DGKG: variants seen among roughly 807,000 people sequenced by gnomAD.
The protein encoded by DGKG is DAG kinase gamma.
DGKG carries 78 observed loss-of-function variants against 105.3 expected under a neutral mutation model. The observed-to-expected ratio is 0.74, with a 90% CI of 0.62 to 0.89. The LOEUF (loss-of-function observed/expected upper bound fraction) is 0.89, where lower values mean the gene tolerates loss of function less well. Ranked by LOEUF, DGKG falls within the 40% of genes least tolerant of loss-of-function variation. The pLI, the probability that DGKG is intolerant of heterozygous loss-of-function variation, is 0.00. For synonymous variants in DGKG, 346 were observed against 367.1 expected (o/e 0.94, Z 0.66); for missense variants, 958 against 1,020.1 (o/e 0.94, Z 0.83).
chr3:186,164,904 G>T lies in DGKG; in HGVS notation c.2210C>A (p.Thr737Asn). 2 of 1,612,326 alleles carry T rather than the reference G, an allele frequency of 1.2e-6. No individual in the cohort carries two copies. The highest frequency in any genetic ancestry group is 1.1e-5 in the South Asian group (1 of 90,860). Residue 737 changes from threonine to asparagine, a missense_variant, in exon 23 of 25, where the codon ACC becomes AAC. By Grantham distance (65) the Thr-to-Asn change is moderately conservative. Around this residue, in one of 2 missense-constraint regions of DGKG, gnomAD observed 315 missense variants for 400.6 expected, o/e 0.79. Transcript: ENST00000265022. ...GRRLAQCASV[T>N]IRTNKLLPMQ... Reference sequence around the variant, plus strand: ...GGGTGACAAAGAGGCATACCTGATGGTGACAGAGGCGCACTGGGCCAGCCT... The same window carrying T: ...GGGTGACAAAGAGGCATACCTGATGTTGACAGAGGCGCACTGGGCCAGCCT...
At chr3:186,309,201 C>A (rs551795715) in intron 2 of DGKG, among the ~76,000 whole-genome samples, 1 of 151,962 alleles carries the variant, frequency 6.6e-6, no homozygotes, top group South Asian at 2.2e-4. Flanking sequence ...AAGGAGGTAG[C>A]ATTTGAGCTG....
chr3:186,216,598 C>T (rs565122827), intron 20 of DGKG, among the ~76,000 whole-genome samples: 33 of 152,250 alleles, frequency 2.2e-4, no homozygotes, highest in African/African-American at 7.7e-4. Flanking sequence ...TCCTCTGCCT[C>T]GTCTTCCTTT....
At chr3:186,225,139 G>A (rs1414667360) in intron 20 of DGKG, among the ~76,000 whole-genome samples, 2 of 151,234 alleles carry the variant, frequency 1.3e-5, no homozygotes, top group Non-Finnish European at 2.9e-5. Flanking sequence ...CCATTGCCCA[G>A]GCTGGAGTGC....
chr3:186,356,350 C>T (rs1008460439), intron 1 of DGKG, among the ~76,000 whole-genome samples: 3 of 152,028 alleles, frequency 2.0e-5, no homozygotes, highest in South Asian at 2.1e-4. Context: ...GGCAAGTTGG[C>T]GAGGCAGACT....
intron 14 of DGKG, among the ~76,000 whole-genome samples, chr3:186,262,224 T>G (rs1166042585): frequency 6.6e-6 from 1 of 152,170 alleles, no homozygotes; most frequent in African/African-American, 2.4e-5. Context: ...AGTTTCCTCC[T>G]GAACCCTGGT....
At chr3:186,206,711 G>A (rs1478651785) in intron 21 of DGKG, among the ~76,000 whole-genome samples, 5 of 152,074 alleles carry the variant, frequency 3.3e-5, no homozygotes, top group African/African-American at 1.2e-4. Context: ...GGGATGGTGA[G>A]GGTGAGGGTG....
chr3:186,295,119 T>C (rs947422787), intron 5 of DGKG, among the ~76,000 whole-genome samples: 10 of 152,314 alleles, frequency 6.6e-5, no homozygotes, highest in South Asian at 2.1e-4. Context: ...TAGAACTACA[T>C]TGAAGAAACT....
intron 20 of DGKG, among the ~76,000 whole-genome samples, chr3:186,217,721 T>G (rs1276289182): frequency 6.6e-6 from 1 of 152,222 alleles, no homozygotes; most frequent in Non-Finnish European, 1.5e-5. Flanking sequence ...CTGCTGGCCA[T>G]TCACTTTACC....
At chr3:186,209,141 C>A (rs150312569) in intron 21 of DGKG, among the ~76,000 whole-genome samples, 1 of 131,920 alleles carries the variant, frequency 7.6e-6, no homozygotes, top group Non-Finnish European at 1.5e-5. Context: ...CTCTGTCTTG[C>A]GCAGGCTGGA....
intron 22 of DGKG, among the ~76,000 whole-genome samples, chr3:186,183,630 G>A (rs1028675579): frequency 2.0e-5 from 3 of 151,988 alleles, no homozygotes; most frequent in East Asian, 1.9e-4. Context: ...GGTAATATAA[G>A]TTTAATGTGC....
chr3:186,302,682 G>GAAT (rs1480431410), intron 3 of DGKG, among the ~76,000 whole-genome samples: 1 of 151,390 alleles, frequency 6.6e-6, no homozygotes, highest in African/African-American at 2.4e-5. Flanking sequence ...GCAGGGCACA[G>GAAT]TACAGTGCTG....
intron 3 of DGKG, among the ~76,000 whole-genome samples, chr3:186,304,175 A>T (rs1578805696): frequency 6.6e-6 from 1 of 151,300 alleles, no homozygotes; most frequent in East Asian, 2.0e-4. Context: ...TTCCTCTCCC[A>T]CTCATCAGCC....
At chr3:186,306,749 C>G (rs1724257754) in intron 3 of DGKG, 152 bp downstream of exon 3, 3 of 615,160 alleles carry the variant, frequency 4.9e-6, no homozygotes, top group Non-Finnish European at 8.7e-6. Flanking sequence ...CATATAATGC[C>G]AGGTAGCACA....
chr3:186,344,880 G>C (rs1560165544), intron 1 of DGKG, among the ~76,000 whole-genome samples: 2 of 152,076 alleles, frequency 1.3e-5, no homozygotes, highest in Non-Finnish European at 2.9e-5. Flanking sequence ...TGTTCTACGA[G>C]CCCTAGAAAA....
intron 5 of DGKG, 98 bp downstream of exon 5, chr3:186,297,323 T>C (rs1723629795): frequency 1.1e-6 from 1 of 917,400 alleles, no homozygotes; most frequent in Admixed American, 1.8e-5. Context: ...GATTGCACAA[T>C]TATATGAAGA....
chr3:186,202,699 T>C (rs1718531370), intron 21 of DGKG, among the ~76,000 whole-genome samples: 1 of 152,230 alleles, frequency 6.6e-6, no homozygotes, highest in Non-Finnish European at 1.5e-5. Context: ...GGACAGAAGT[T>C]GGCTGAGAGG....
Position 186,304,957 on chromosome 3 carries a change from C to A in DGKG, c.144+1944G>T, listed in dbSNP as rs114204160. Reference sequence around the variant, plus strand: ...CTATATTTTTATGCCTTCTACAGTGCCCAGTACAGTGCATAGAAGCCCAAG... The same window carrying A: ...CTATATTTTTATGCCTTCTACAGTGACCAGTACAGTGCATAGAAGCCCAAG... On this transcript the variant is annotated intron_variant, in intron 3 of 24. Transcript: ENST00000265022. Among the ~76,000 whole-genome samples the A allele has an allele frequency of 8.6e-3, 1,310 of 152,270 alleles. 18 individuals are homozygous for A. The highest frequency in any genetic ancestry group is 0.03 in the African/African-American group (1,241 of 41,534).
intron 1 of DGKG, among the ~76,000 whole-genome samples, chr3:186,354,838 T>C (rs1449036570): frequency 2.0e-5 from 3 of 152,168 alleles, no homozygotes; most frequent in Non-Finnish European, 4.4e-5. Context: ...GGTGAGACCC[T>C]GGCTCCTATT....
chr3:186,171,762 T>G (rs1324905469), intron 22 of DGKG, among the ~76,000 whole-genome samples: 1 of 152,202 alleles, frequency 6.6e-6, no homozygotes, highest in Non-Finnish European at 1.5e-5. Context: ...AATTCACTCA[T>G]GTAATCTGCA....
Sources: allele counts gnomAD v4.1 joint callset (sites outside exome capture counted in the v4.1 genomes callset), GRCh38; gene constraint gnomAD v4.1.1; regional missense constraint gnomAD v4.1.1; transcripts MANE v1.5; gene names NCBI Gene and HGNC (gene_info 2026-07-23, HGNC 2026-07-21).